Variants in DPP10 observed in about 807,000 individuals in gnomAD.
The protein encoded by DPP10 is inactive dipeptidyl peptidase 10.
A neutral mutation model predicts 120.9 loss-of-function variants in DPP10; 33 were observed. The ratio of observed to expected loss-of-function variants is 0.27; its 90% CI spans 0.21 to 0.37. DPP10 has a LOEUF of 0.37. DPP10 is among the 10% of genes least tolerant of loss of function. The pLI is 1.00. For synonymous variants in DPP10, 337 were observed against 326.1 expected, an observed-to-expected ratio of 1.03 and a Z score of -0.36; for missense variants, 816 against 942.8, an observed-to-expected ratio of 0.87 and a Z score of 1.76.
At chr2:114,958,408 C>T (rs1432198351) in intron 1 of DPP10, among the ~76,000 whole-genome samples, 1 of 152,118 alleles carries the variant, frequency 6.6e-6, no homozygotes, top group Non-Finnish European at 1.5e-5. Flanking sequence ...ATTTAGCTCA[C>T]TTTAACGGGT....
intron 3 of DPP10, among the ~76,000 whole-genome samples, chr2:115,458,514 T>A (rs2073761726): frequency 6.6e-6 from 1 of 152,060 alleles, no homozygotes; most frequent in Non-Finnish European, 1.5e-5. Flanking sequence ...TATTCCTATT[T>A]TGACTCTCGA....
At chr2:115,655,120 G>A (rs2088178807) in intron 5 of DPP10, among the ~76,000 whole-genome samples, 1 of 151,684 alleles carries the variant, frequency 6.6e-6, no homozygotes, top group African/African-American at 2.4e-5. Context: ...AACTGGAGAT[G>A]AAGTTGGGTT....
rs560562481 is a variant in DPP10, at chr2:115,655,457, T to C, written c.442-34230T>C. Among the ~76,000 whole-genome samples the C allele has an allele frequency of 2.2e-4, 33 of 151,732 alleles. No individual in the cohort carries two copies. The South Asian group carries it at 6.6e-3, about 30-fold the overall frequency. ...TGCATCAAATGGTGTAAAAATGAAA[T>C]CATTTTATATAAATTTAGAATCTGT... is the stretch of plus-strand genomic sequence containing the variant. On this transcript the variant is annotated intron_variant, in intron 5 of 25. Coordinates refer to ENST00000410059, the MANE Select transcript of DPP10 (RefSeq NM_020868.6).
chr2:114,656,271 A>G (rs1573899004), intron 1 of DPP10, among the ~76,000 whole-genome samples: 2 of 152,162 alleles, frequency 1.3e-5, no homozygotes, highest in East Asian at 3.9e-4. Context: ...TTTGGGATGT[A>G]TCAGTTATTA....
At chr2:115,182,670 C>T (rs1297834433) in intron 1 of DPP10, among the ~76,000 whole-genome samples, 2 of 152,122 alleles carry the variant, frequency 1.3e-5, no homozygotes, top group Non-Finnish European at 2.9e-5. Flanking sequence ...TAACCCTAGT[C>T]ATGACAAGTT....
At chr2:114,686,132 G>A (rs1018446137) in intron 1 of DPP10, among the ~76,000 whole-genome samples, 1 of 151,894 alleles carries the variant, frequency 6.6e-6, no homozygotes, top group Non-Finnish European at 1.5e-5. Context: ...CAGAAGGCAA[G>A]GTGATGCAAG....
chr2:115,486,946 TTAA>T (rs2075814114), intron 3 of DPP10, among the ~76,000 whole-genome samples: 1 of 152,124 alleles, frequency 6.6e-6, no homozygotes, highest in Non-Finnish European at 1.5e-5. Context: ...TCCACAAGAA[TTAA>T]TAATGATTAC....
chr2:115,785,839 GTTTTT>G (rs35035219), intron 17 of DPP10, among the ~76,000 whole-genome samples: 1 of 143,818 alleles, frequency 7.0e-6, no homozygotes, highest in African/African-American at 2.5e-5. Context: ...TCTGATGTGG[GTTTTT>G]TTTTTTTCTT....
chr2:115,230,651 A>T (rs919671193), intron 1 of DPP10, among the ~76,000 whole-genome samples: 2 of 152,066 alleles, frequency 1.3e-5, no homozygotes, highest in African/African-American at 4.8e-5. Flanking sequence ...GCATTTAATG[A>T]AAAATGAATT....
intron 1 of DPP10, among the ~76,000 whole-genome samples, chr2:114,907,196 A>AT (rs1465719651): frequency 6.6e-6 from 1 of 151,462 alleles, no homozygotes; most frequent in African/African-American, 2.4e-5. Context: ...AGTCTTCTTT[A>AT]TTTTTTTTCT....
At chr2:115,106,968 G>A (rs557916007) in intron 1 of DPP10, among the ~76,000 whole-genome samples, 16 of 151,774 alleles carry the variant, frequency 1.1e-4, no homozygotes, top group South Asian at 2.1e-4. Flanking sequence ...CCAGCTACTC[G>A]GGAGACTGAG....
chr2:114,644,698 C>T (rs188170721), intron 1 of DPP10, among the ~76,000 whole-genome samples: 1 of 151,986 alleles, frequency 6.6e-6, no homozygotes, highest in Admixed American at 6.5e-5. Context: ...CTAGCCTTGT[C>T]CCCAAAATTG....
At chr2:115,492,665 A>T (rs897380156) in intron 3 of DPP10, among the ~76,000 whole-genome samples, 1 of 152,198 alleles carries the variant, frequency 6.6e-6, no homozygotes, top group Non-Finnish European at 1.5e-5. Context: ...CAATGCAGAC[A>T]GTTGAATAGC....
At chr2:115,004,813 G>C (rs1701698149) in intron 1 of DPP10, among the ~76,000 whole-genome samples, 1 of 152,142 alleles carries the variant, frequency 6.6e-6, no homozygotes, top group Admixed American at 6.5e-5. Context: ...CATTGCCCAG[G>C]CTTGCTTAGG....
chr2:115,443,282 C>G (rs533849791), intron 3 of DPP10, among the ~76,000 whole-genome samples: 1 of 152,246 alleles, frequency 6.6e-6, no homozygotes, highest in East Asian at 1.9e-4. Flanking sequence ...GTAGCAAATA[C>G]CCTCTCCAGA....
intron 3 of DPP10, among the ~76,000 whole-genome samples, chr2:115,394,469 C>CA (rs34655384): frequency 0.03 from 2,735 of 90,938 alleles, 56 homozygotes; most frequent in African/African-American, 0.084. Context: ...TCAACCTCAC[C>CA]AAAAAAAAAA....
intron 1 of DPP10, among the ~76,000 whole-genome samples, chr2:114,526,449 A>T (rs1300613483): frequency 6.6e-6 from 1 of 152,240 alleles, no homozygotes; most frequent in Admixed American, 6.5e-5. Flanking sequence ...ATCAGACATT[A>T]CAAAACAATC....
At chr2:115,501,285 C>A (rs983105) in intron 4 of DPP10, among the ~76,000 whole-genome samples, 2 of 151,780 alleles carry the variant, frequency 1.3e-5, no homozygotes, top group African/African-American at 4.8e-5. Context: ...TTATTCATTA[C>A]TTTTTTATCT....
intron 3 of DPP10, among the ~76,000 whole-genome samples, chr2:115,350,997 T>C (rs769890837): frequency 6.8e-4 from 104 of 152,260 alleles, no homozygotes; most frequent in Non-Finnish European, 9.3e-4. Flanking sequence ...AGAACTAGCA[T>C]TGGACTAGCA....
Sources: gnomAD v4.1 joint callset for allele counts (sites outside exome capture counted in the v4.1 genomes callset) on GRCh38, gnomAD v4.1.1 for gene constraint, MANE v1.5 for transcripts, NCBI Gene and HGNC (gene_info 2026-07-23, HGNC 2026-07-21) for gene names.